The following AGTPBP1 variants were observed in gnomAD, a reference collection of about 807,000 sequenced individuals.
The protein encoded by AGTPBP1 is cytosolic carboxypeptidase 1.
In AGTPBP1, 70 loss-of-function variants were observed where a neutral mutation model predicts 143.9. The observed-to-expected ratio is 0.49, with a 90% CI of 0.40 to 0.59. AGTPBP1 has a LOEUF of 0.59. Ranked by LOEUF, AGTPBP1 falls within the 20% of genes least tolerant of loss-of-function variation. AGTPBP1 has a pLI of 0.00. For synonymous variants in AGTPBP1, 463 were observed against 500.2 expected (o/e 0.93, Z 0.99); for missense variants, 1,229 against 1,464.5 (o/e 0.84, Z 2.62).
intron 24 of AGTPBP1, 90 bp downstream of exon 24, chr9:85,578,830 T>A: frequency 7.8e-7 from 1 of 1,279,322 alleles, no homozygotes; most frequent in Middle Eastern, 2.0e-4. Context: ...AAAACAAACA[T>A]CATTTAATAT....
intron 25 of AGTPBP1, among the ~76,000 whole-genome samples, chr9:85,566,877 A>C (rs1827138031): frequency 6.6e-6 from 1 of 152,214 alleles, no homozygotes; most frequent in Admixed American, 6.5e-5. Context: ...TGAGAAAATA[A>C]GGCTGAGACT....
At chr9:85,778,414 T>TG in the AGTPBP1 span, among the ~76,000 whole-genome samples, 3 of 152,168 alleles carry the variant, frequency 2.0e-5, no homozygotes, top group Non-Finnish European at 2.9e-5. Context: ...GATTCACCTA[T>TG]GGGGGTCTGC....
the AGTPBP1 span, among the ~76,000 whole-genome samples, chr9:85,771,810 C>T: frequency 6.6e-6 from 1 of 151,658 alleles, no homozygotes; most frequent in Non-Finnish European, 1.5e-5. Flanking sequence ...CGCCACCACG[C>T]CTGGCTAATT....
intron 18 of AGTPBP1, 42 bp from the exon 19 acceptor site, chr9:85,592,746 G>A: frequency 6.3e-7 from 1 of 1,581,144 alleles, no homozygotes; most frequent in Non-Finnish European, 8.6e-7. Context: ...TCATCCACAT[G>A]AAAACTGATT....
intron 25 of AGTPBP1, among the ~76,000 whole-genome samples, chr9:85,550,869 T>A (rs1825997631): frequency 6.6e-6 from 1 of 152,156 alleles, no homozygotes; most frequent in Non-Finnish European, 1.5e-5. Context: ...CACTGTTTCC[T>A]CTGCATAAGG....
chr9:85,675,673 C>T (rs1457308969), intron 6 of AGTPBP1, among the ~76,000 whole-genome samples: 1 of 152,158 alleles, frequency 6.6e-6, no homozygotes, highest in African/African-American at 2.4e-5. Flanking sequence ...CTACCACATG[C>T]AATAGAATTC....
the AGTPBP1 span, among the ~76,000 whole-genome samples, chr9:85,767,679 G>A: frequency 6.0e-5 from 9 of 151,098 alleles, no homozygotes; most frequent in East Asian, 2.0e-4. Flanking sequence ...ACGAGGTCTC[G>A]CCATGTTGGT....
At chr9:85,627,150 T>C (rs1831352563) in intron 14 of AGTPBP1, among the ~76,000 whole-genome samples, 2 of 152,234 alleles carry the variant, frequency 1.3e-5, no homozygotes, top group African/African-American at 2.4e-5. Flanking sequence ...TATTTTAATA[T>C]TGGTTACTAA....
chr9:85,739,847 T>G (rs150876017), intron 1 of AGTPBP1, among the ~76,000 whole-genome samples: 1 of 151,556 alleles, frequency 6.6e-6, no homozygotes, highest in East Asian at 1.9e-4. Context: ...AACCCGTCTC[T>G]ACTAAAAACA....
At chr9:85,585,376 T>G (rs1205256180) in intron 23 of AGTPBP1, 87 bp downstream of exon 23, 1 of 1,238,568 alleles carries the variant, frequency 8.1e-7, no homozygotes, top group African/African-American at 1.5e-5. Context: ...CAATATTTAT[T>G]GAATGTGAGT....
chr9:85,667,457 A>AGC (rs1026698723), intron 8 of AGTPBP1, among the ~76,000 whole-genome samples: 2 of 152,150 alleles, frequency 1.3e-5, no homozygotes, highest in African/African-American at 2.4e-5. Flanking sequence ...ATAAGTTATT[A>AGC]TTTTCCAACC....
chr9:85,645,403 T>C (rs996640933), intron 12 of AGTPBP1, among the ~76,000 whole-genome samples: 8 of 152,110 alleles, frequency 5.3e-5, no homozygotes, highest in African/African-American at 1.9e-4. Flanking sequence ...AGAGACAAGA[T>C]AATTAAGGGC....
intron 8 of AGTPBP1, among the ~76,000 whole-genome samples, chr9:85,664,776 A>T (rs1322011581): frequency 6.6e-6 from 1 of 152,190 alleles, no homozygotes; most frequent in Non-Finnish European, 1.5e-5. Context: ...CTGATTAATC[A>T]TGTTAAGAAG....
At chr9:85,726,149 G>C (rs552917774) in intron 1 of AGTPBP1, among the ~76,000 whole-genome samples, 16 of 147,984 alleles carry the variant, frequency 1.1e-4, no homozygotes, top group African/African-American at 4.0e-4. Context: ...AGGATCGCTT[G>C]AGCCTGGAAG....
At chr9:85,592,838 T>C in intron 18 of AGTPBP1, 134 bp from the exon 19 acceptor site, 1 of 1,036,466 alleles carries the variant, frequency 9.6e-7, no homozygotes, top group Non-Finnish European at 1.4e-6. Context: ...AAATACCCTA[T>C]TTTAAAAAAA....
intron 19 of AGTPBP1, among the ~76,000 whole-genome samples, chr9:85,590,182 T>G (rs1262106878): frequency 6.6e-6 from 1 of 152,140 alleles, no homozygotes; most frequent in African/African-American, 2.4e-5. Context: ...TGTTGTAAAA[T>G]GTCTGAAAGA....
chr9:85,671,155 C>T (rs1367457800), intron 7 of AGTPBP1, among the ~76,000 whole-genome samples: 2 of 151,926 alleles, frequency 1.3e-5, no homozygotes, highest in African/African-American at 4.8e-5. Context: ...ACTATGTTGC[C>T]CAGGCTGGTT....
intron 14 of AGTPBP1, among the ~76,000 whole-genome samples, chr9:85,631,698 T>C (rs953685368): frequency 1.3e-5 from 2 of 152,212 alleles, no homozygotes; most frequent in African/African-American, 4.8e-5. Flanking sequence ...AAGGAACTTA[T>C]AGTCTAAAGA....
Position 85,646,425 on chromosome 9 carries a change from T to C in AGTPBP1, c.1088-7A>G, listed in dbSNP as rs375955335. Reference sequence around the variant, plus strand: ...TCATCTACTACGTCATCCACTATGATACAAAATGTGCTATAAGTAGGTCAG... The same window carrying C: ...TCATCTACTACGTCATCCACTATGACACAAAATGTGCTATAAGTAGGTCAG... On this transcript the variant is annotated splice_region_variant and splice_polypyrimidine_tract_variant and intron_variant, in intron 11 of 25. Coordinates refer to ENST00000357081, the MANE Select transcript of AGTPBP1 (RefSeq NM_001330701.2). The C allele has an allele frequency of 6.2e-7, 1 of 1,609,136 alleles. No individual in the cohort carries two copies. Among genetic ancestry groups the C allele is most frequent in the South Asian group, 1.1e-5 (1 of 90,966 alleles).
Sources: gnomAD v4.1 joint callset for allele counts (sites outside exome capture counted in the v4.1 genomes callset) on GRCh38, gnomAD v4.1.1 for gene constraint, MANE v1.5 for transcripts, NCBI Gene and HGNC (gene_info 2026-07-23, HGNC 2026-07-21) for gene names.